LINC00237: variants seen among roughly 807,000 people sequenced by gnomAD.
LINC00237 encodes the protein long intergenic non-protein coding RNA 237.
intron 1 of LINC00237, among the ~76,000 whole-genome samples, chr20:21,095,568 T>C (rs1439268111): frequency 6.6e-6 from 1 of 152,176 alleles, no homozygotes; most frequent in African/African-American, 2.4e-5. Context: ...CATATGGTAT[T>C]AGGGAGCCCT....
At chr20:21,090,179 T>C (rs1467969497) in intron 2 of LINC00237, 3 of 152,240 alleles carry the variant, frequency 2.0e-5, no homozygotes, top group Non-Finnish European at 4.4e-5. Context: ...CCGACACAGT[T>C]ATCTTCTTGG....
At position 21,100,805 on chromosome 20, in the gene LINC00237, T is replaced by C. The variant is rs540921186; in HGVS notation, n.88+5466A>G. 1.3e-4 allele frequency among the ~76,000 whole-genome samples: 20 copies of C among 152,208 alleles called. No homozygotes were observed. In the South Asian group the frequency reaches 3.9e-3, roughly 30 times the overall value. On this transcript the variant is annotated intron_variant and non_coding_transcript_variant, in intron 1 of 3. Transcript: ENST00000691244. ...GCGGTTTCTGCACCCAGTTGGTGGG[T>C]TGTAAGACAGGAGGTTTCCAAGTCT...
chr20:21,100,811 G>A (rs1183482820), intron 1 of LINC00237, among the ~76,000 whole-genome samples: 2 of 152,190 alleles, frequency 1.3e-5, no homozygotes, highest in Admixed American at 6.5e-5. Flanking sequence ...TGGGTTGTAA[G>A]ACAGGAGGTT....
At chr20:21,086,684 C>T (rs11087342) in intron 3 of LINC00237, among the ~76,000 whole-genome samples, 145 of 2,466 alleles carry the variant, frequency 0.059, 3 homozygotes, top group Middle Eastern at 0.5. Context: ...TAGTATACTA[C>T]ATATACATAT....
intron 1 of LINC00237, among the ~76,000 whole-genome samples, chr20:21,095,037 G>A (rs981661227): frequency 6.6e-6 from 1 of 152,184 alleles, no homozygotes; most frequent in Non-Finnish European, 1.5e-5. Context: ...GTGATGGAGT[G>A]AGACTCTGTC....
intron 3 of LINC00237, among the ~76,000 whole-genome samples, chr20:21,086,297 T>C (rs180851647): frequency 9.9e-5 from 15 of 151,996 alleles, no homozygotes; most frequent in African/African-American, 3.1e-4. Flanking sequence ...CTCTCAACAA[T>C]ATTGCAATCA....
At chr20:21,100,420 T>G (rs2122181210) in intron 1 of LINC00237, among the ~76,000 whole-genome samples, 1 of 152,384 alleles carries the variant, frequency 6.6e-6, no homozygotes, top group African/African-American at 2.4e-5. Flanking sequence ...AGCCGGCGAT[T>G]CGAAGGGAGT....
chr20:21,103,205 C>T (rs1357419268), intron 1 of LINC00237, among the ~76,000 whole-genome samples: 1 of 152,264 alleles, frequency 6.6e-6, no homozygotes, highest in Non-Finnish European at 1.5e-5. Context: ...ATGCGTGTCT[C>T]GCACACCTGC....
intron 1 of LINC00237, among the ~76,000 whole-genome samples, chr20:21,097,911 T>TA (rs983230358): frequency 1.3e-5 from 2 of 151,784 alleles, no homozygotes; most frequent in African/African-American, 2.4e-5. Context: ...CTCATTAGTT[T>TA]AAAAAAAAAT....
chr20:21,100,314 A>G (rs945314780), intron 1 of LINC00237, among the ~76,000 whole-genome samples: 4 of 152,218 alleles, frequency 2.6e-5, no homozygotes, highest in African/African-American at 9.6e-5. Flanking sequence ...TACAGCCACG[A>G]GCCGGGACCA....
intron 3 of LINC00237, chr20:21,087,474 G>A (rs1301386193): frequency 6.6e-6 from 1 of 151,966 alleles, no homozygotes; most frequent in Non-Finnish European, 1.5e-5. Flanking sequence ...AGTGGCTTGA[G>A]GAAGGACAAA....
chr20:21,088,101 G>C (rs2030739206), intron 2 of LINC00237: 1 of 152,180 alleles, frequency 6.6e-6, no homozygotes. Flanking sequence ...GGGTGGAGCT[G>C]TTTCCCAAAA....
At chr20:21,102,897 G>T (rs937181752) in intron 1 of LINC00237, among the ~76,000 whole-genome samples, 2 of 152,110 alleles carry the variant, frequency 1.3e-5, no homozygotes, top group African/African-American at 4.8e-5. Flanking sequence ...CACCCCGCTC[G>T]CCTCTCTCTC....
intron 3 of LINC00237, chr20:21,087,774 T>C (rs2122166221): frequency 6.6e-6 from 1 of 152,328 alleles, no homozygotes; most frequent in East Asian, 1.9e-4. Context: ...CGTGAACTAT[T>C]TCATTTTATC....
At chr20:21,094,465 A>C (rs143686892) in intron 1 of LINC00237, among the ~76,000 whole-genome samples, 2 of 152,328 alleles carry the variant, frequency 1.3e-5, no homozygotes, top group African/African-American at 4.8e-5. Flanking sequence ...GAAGTGCCCT[A>C]GGAGTTGAGG....
At chr20:21,094,443 T>A (rs552627175) in intron 1 of LINC00237, among the ~76,000 whole-genome samples, 1 of 151,676 alleles carries the variant, frequency 6.6e-6, no homozygotes, top group South Asian at 2.1e-4. Flanking sequence ...AAATAACAAG[T>A]GTGTATAATA....
At chr20:21,096,993 G>A (rs1449677770) in intron 1 of LINC00237, among the ~76,000 whole-genome samples, 1 of 152,190 alleles carries the variant, frequency 6.6e-6, no homozygotes, top group Non-Finnish European at 1.5e-5. Context: ...ACAATGATGG[G>A]AAGGGCACCC....
chr20:21,094,537 A>G (rs949368008), intron 1 of LINC00237, among the ~76,000 whole-genome samples: 1 of 152,228 alleles, frequency 6.6e-6, no homozygotes, highest in African/African-American at 2.4e-5. Context: ...ATGAAATAGG[A>G]TAAGAGTGTG....
intron 1 of LINC00237, among the ~76,000 whole-genome samples, chr20:21,105,629 C>T (rs6047250): frequency 9.8e-5 from 15 of 152,330 alleles, no homozygotes; most frequent in East Asian, 5.8e-4. Context: ...CCTGAGCCCC[C>T]CTAAACGACC....
Sources: allele counts gnomAD v4.1 joint callset (sites outside exome capture counted in the v4.1 genomes callset), GRCh38; gene constraint gnomAD v4.1.1; transcripts MANE v1.5; gene names NCBI Gene and HGNC (gene_info 2026-07-23, HGNC 2026-07-21).